KCNG3: variants seen among roughly 807,000 people sequenced by gnomAD.
The protein encoded by KCNG3 is potassium voltage-gated channel modifier subfamily G member 3.
KCNG3 carries 15 observed loss-of-function variants against 29.0 expected under a neutral mutation model. The observed-to-expected ratio is 0.52, with a 90% CI of 0.35 to 0.80. KCNG3 has a LOEUF of 0.80. Ranked by LOEUF, KCNG3 falls within the 30% of genes least tolerant of loss-of-function variation. The pLI, the probability that KCNG3 is intolerant of heterozygous loss-of-function variation, is 0.01. For missense variants in KCNG3, 512 were observed against 605.7 expected (o/e 0.85, Z 1.62); for synonymous variants, 322 against 248.9 (o/e 1.29, Z -2.76).
Position 42,493,138 on chromosome 2 carries a change from C to G in KCNG3, c.364G>C (p.Asp122His), listed in dbSNP as rs762591750. The part of the protein sequence containing the change: ...CQRRLDDRMS[D>H]TYTFYSADEP... The stretch of plus-strand genomic sequence containing the variant: ...TCGGCCGAGTAGAAGGTGTAGGTGT[C>G]GGACATGCGGTCGTCGAGGCGGCGC... The change falls in exon 1 of 2, where the codon GAC becomes CAC. Residue 122 changes from aspartate (D) to histidine (H), a missense_variant. By Grantham distance (81) the Asp-to-His change is moderately conservative. Transcript: ENST00000306078. The G allele has an allele frequency of 1.9e-6, 3 of 1,604,978 alleles. No homozygotes were observed. The highest frequency in any genetic ancestry group is 1.1e-5 in the South Asian group (1 of 90,720).
intron 1 of KCNG3, among the ~76,000 whole-genome samples, chr2:42,466,387 AAC>A (rs1240386614): frequency 6.6e-6 from 1 of 152,188 alleles, no homozygotes; most frequent in Non-Finnish European, 1.5e-5. Flanking sequence ...CAGCCTCAGC[AAC>A]AGAGAGAGAC....
chr2:42,399,790 G>A, the KCNG3 span, among the ~76,000 whole-genome samples: 38 of 152,198 alleles, frequency 2.5e-4, no homozygotes, highest in Non-Finnish European at 4.3e-4. Context: ...GGAATCCTAG[G>A]GAGAATGGGC....
chr2:42,420,894 A>T, the KCNG3 span, among the ~76,000 whole-genome samples: 1 of 152,212 alleles, frequency 6.6e-6, no homozygotes, highest in Admixed American at 6.5e-5. Flanking sequence ...TTGACCATTT[A>T]AAAAAATTGA....
At chr2:42,395,900 TGA>T in the KCNG3 span, among the ~76,000 whole-genome samples, 2 of 152,040 alleles carry the variant, frequency 1.3e-5, no homozygotes, top group Non-Finnish European at 2.9e-5. Context: ...AAGTGAGCTG[TGA>T]TCAAGCCACT....
At chr2:42,486,164 G>A (rs1310530576) in intron 1 of KCNG3, among the ~76,000 whole-genome samples, 1 of 152,198 alleles carries the variant, frequency 6.6e-6, no homozygotes, top group Non-Finnish European at 1.5e-5. Flanking sequence ...CTGTGTGTGA[G>A]CCAAAGTAGT....
At chr2:42,409,401 C>A in the KCNG3 span, among the ~76,000 whole-genome samples, 1 of 148,814 alleles carries the variant, frequency 6.7e-6, no homozygotes, top group Non-Finnish European at 1.5e-5. Context: ...AATAGATAAT[C>A]CATTCAAAGC....
At chr2:42,435,229 G>A in the KCNG3 span, among the ~76,000 whole-genome samples, 1 of 152,134 alleles carries the variant, frequency 6.6e-6, no homozygotes, top group Non-Finnish European at 1.5e-5. Flanking sequence ...CTTGAACCAG[G>A]GAGGCGGAGG....
chr2:42,442,616 C>T lies in KCNG3; in HGVS notation c.*1318G>A, dbSNP rs1429551965. The stretch of plus-strand genomic sequence containing the variant: ...CTACCTCTGACAAAATTACTGTGTA[C>T]AACATTCAATTTTTTATGAATCTGT... On this transcript the variant is annotated 3_prime_UTR_variant, in exon 2 of 2. Coordinates refer to ENST00000306078, the MANE Select transcript of KCNG3 (RefSeq NM_133329.6). 2.0e-5 allele frequency: 3 copies of T among 152,198 alleles called. No individual in the cohort carries two copies. Among genetic ancestry groups the T allele is most frequent in the Non-Finnish European group, 2.9e-5 (2 of 68,024 alleles). 9.4% of individuals were successfully genotyped at this position (152,198 alleles called of 1,614,324 possible).
At position 42,444,679 on chromosome 2, in the gene KCNG3, T is replaced by C. The variant is rs1025061027; in HGVS notation, c.666-100A>G. 2.2e-5 allele frequency: 24 copies of C among 1,096,198 alleles called. 1 individual carries two copies. In the Middle Eastern group the frequency reaches 6.6e-4, roughly 30 times the overall value. 67.9% of individuals were successfully genotyped at this position (1,096,198 alleles called of 1,614,324 possible). ...GTACTACACTGACATACTAATTCAG[T>C]TACTTTTCCAGAAAACATAAAGAAC... is the stretch of plus-strand genomic sequence containing the variant. On this transcript the variant is annotated intron_variant, in intron 1 of 1. Transcript: ENST00000306078. The surrounding 1 kb of genome is among the most constrained non-coding windows in gnomAD (Gnocchi z 5.8).
intron 1 of KCNG3, among the ~76,000 whole-genome samples, chr2:42,460,890 G>A (rs1432180665): frequency 1.3e-5 from 2 of 152,024 alleles, no homozygotes; most frequent in Non-Finnish European, 2.9e-5. Context: ...GGCCAGGCGC[G>A]GTGGCTCATA....
the KCNG3 span, among the ~76,000 whole-genome samples, chr2:42,415,750 A>G: frequency 6.6e-6 from 1 of 152,146 alleles, no homozygotes; most frequent in Admixed American, 6.5e-5. Flanking sequence ...AAAACAAAAC[A>G]AAACAAAAAA....
At chr2:42,436,538 T>A in the KCNG3 span, among the ~76,000 whole-genome samples, 1 of 152,242 alleles carries the variant, frequency 6.6e-6, no homozygotes, top group Non-Finnish European at 1.5e-5. Context: ...GGTAGTCATG[T>A]ACCCAGGAAC....
chr2:42,490,056 G>T (rs551201787), intron 1 of KCNG3, among the ~76,000 whole-genome samples: 3 of 152,228 alleles, frequency 2.0e-5, no homozygotes, highest in African/African-American at 7.2e-5. Context: ...ACTGGCTAAT[G>T]GCTAGCCACT....
chr2:42,411,863 A>ATG, the KCNG3 span, among the ~76,000 whole-genome samples: 1 of 152,182 alleles, frequency 6.6e-6, no homozygotes, highest in Non-Finnish European at 1.5e-5. Context: ...CTTCATTCTC[A>ATG]TCTACTTCTC....
At chr2:42,445,543 G>C (rs1422742650) in intron 1 of KCNG3, among the ~76,000 whole-genome samples, 1 of 152,096 alleles carries the variant, frequency 6.6e-6, no homozygotes, top group South Asian at 2.1e-4. Context: ...CTCCCACATT[G>C]GAGCAAAATG....
chr2:42,391,802 C>A, the KCNG3 span, among the ~76,000 whole-genome samples: 12 of 151,204 alleles, frequency 7.9e-5, no homozygotes, highest in East Asian at 2.1e-3. Flanking sequence ...TGGGGTTTCA[C>A]CGTTTTAGCC....
chr2:42,403,720 C>T, the KCNG3 span, among the ~76,000 whole-genome samples: 1 of 151,332 alleles, frequency 6.6e-6, no homozygotes, highest in African/African-American at 2.4e-5. Context: ...CTGCCTCGGC[C>T]TCCCAAAGTG....
At chr2:42,449,777 T>G (rs1172157297) in intron 1 of KCNG3, among the ~76,000 whole-genome samples, 1 of 152,128 alleles carries the variant, frequency 6.6e-6, no homozygotes, top group East Asian at 1.9e-4. Context: ...GTTGCTATCT[T>G]AGGTAGTAAA....
the KCNG3 span, among the ~76,000 whole-genome samples, chr2:42,398,172 G>A: frequency 2.6e-5 from 4 of 151,692 alleles, no homozygotes; most frequent in African/African-American, 9.7e-5. Flanking sequence ...GCAGTGAGCC[G>A]AGACCGCGCC....
Sources: allele counts gnomAD v4.1 joint callset (sites outside exome capture counted in the v4.1 genomes callset), GRCh38; gene constraint gnomAD v4.1.1; non-coding constraint Gnocchi (gnomAD v3.1); transcripts MANE v1.5; gene names NCBI Gene and HGNC (gene_info 2026-07-23, HGNC 2026-07-21).